The following PRKCA variants were observed in gnomAD, a reference collection of about 807,000 sequenced individuals.
The protein encoded by PRKCA is protein kinase C alpha, also known as protein kinase C alpha type.
PRKCA carries 27 observed loss-of-function variants against 87.0 expected under a neutral mutation model. The observed-to-expected ratio is 0.31, with a 90% CI of 0.23 to 0.43. The LOEUF is 0.43. Ranked by LOEUF, PRKCA falls within the 20% of genes least tolerant of loss-of-function variation. The pLI is 1.00. For synonymous variants in PRKCA, 329 were observed against 311.1 expected (o/e 1.06, Z -0.61); for missense variants, 518 against 852.3 (o/e 0.61, Z 4.88).
chr17:66,635,845 C>T (rs572247908), intron 3 of PRKCA, among the ~76,000 whole-genome samples: 2 of 152,054 alleles, frequency 1.3e-5, no homozygotes, highest in African/African-American at 4.8e-5. Context: ...GCAAATGTGC[C>T]GTGGTTATGT....
At chr17:66,582,359 A>C (rs1453979675) in intron 3 of PRKCA, among the ~76,000 whole-genome samples, 1 of 152,108 alleles carries the variant, frequency 6.6e-6, no homozygotes, top group East Asian at 1.9e-4. Flanking sequence ...CTGTGTCCCC[A>C]CCCAAATCTC....
chr17:66,693,736 C>T (rs968314656), intron 8 of PRKCA, among the ~76,000 whole-genome samples: 3 of 152,274 alleles, frequency 2.0e-5, no homozygotes, highest in East Asian at 1.9e-4. Context: ...ATATTTTAGG[C>T]TTTATGGGCC....
In PRKCA at chr17:66,804,122, C is replaced by G. The variant is rs555069111; in HGVS notation, c.*85C>G. 6.6e-7 allele frequency: 1 copy of G among 1,510,146 alleles called. No individual in the cohort carries two copies. Among genetic ancestry groups the G allele is most frequent in the Non-Finnish European group, 8.9e-7 (1 of 1,127,180 alleles). The allele number at this position is 1,510,146 out of a possible 1,614,324, so 93.5% of individuals were successfully genotyped here. On this transcript the variant is annotated 3_prime_UTR_variant, in exon 17 of 17. Transcript: ENST00000413366. The stretch of plus-strand genomic sequence containing the variant: ...AATCCTTAACCCTAAAATTTTAAGG[C>G]CACGGCCTTGTGTCTGATTCCATAT...
chr17:66,551,831 T>A (rs1038118415), intron 3 of PRKCA, among the ~76,000 whole-genome samples: 3 of 152,194 alleles, frequency 2.0e-5, no homozygotes, highest in African/African-American at 7.2e-5. Flanking sequence ...TTTCCTTTAA[T>A]GAAGTATAAT....
At chr17:66,490,598 C>T (rs968441380) in intron 2 of PRKCA, among the ~76,000 whole-genome samples, 1 of 151,446 alleles carries the variant, frequency 6.6e-6, no homozygotes, top group Non-Finnish European at 1.5e-5. Context: ...TTTTTTGAGA[C>T]GGAGTCTTGC....
intron 3 of PRKCA, among the ~76,000 whole-genome samples, chr17:66,573,411 G>T (rs927286935): frequency 1.3e-5 from 2 of 152,142 alleles, no homozygotes; most frequent in Non-Finnish European, 2.9e-5. Flanking sequence ...TGATCAGTTC[G>T]TTTTCTGCTG....
chr17:66,477,655 G>A (rs113251151), intron 2 of PRKCA, among the ~76,000 whole-genome samples: 3,180 of 152,274 alleles, frequency 0.021, 103 homozygotes, highest in African/African-American at 0.071. Flanking sequence ...AGCTGAGATT[G>A]CACCACTGCA....
At chr17:66,495,138 A>G (rs1399292808) in intron 2 of PRKCA, among the ~76,000 whole-genome samples, 1 of 151,390 alleles carries the variant, frequency 6.6e-6, no homozygotes, top group Non-Finnish European at 1.5e-5. Context: ...ATTACTTTCT[A>G]TAACAGTTAT....
rs527505552 is a variant in PRKCA at position 66,545,166 on chromosome 17, C to T, written c.288+48883C>T. On this transcript the variant is annotated intron_variant, in intron 3 of 16. Transcript: ENST00000413366. ...AATTTAGGCTGGGCGCAGTGAATCA[C>T]GCCTGTAATCCCAGCACTTTGGGAG... is the stretch of plus-strand genomic sequence containing the variant. Among the ~76,000 whole-genome samples, 19 of 152,268 alleles carry T rather than the reference C, an allele frequency of 1.2e-4. No homozygotes were observed. In the East Asian group the frequency reaches 1.5e-3, roughly 12 times the overall value.
Position 66,769,256 on chromosome 17 carries a change from G to C in PRKCA, c.1525-4731G>C, listed in dbSNP as rs543028284. Reference sequence around the variant, plus strand: ...GCCTGTGGTCCCAGCTACTTAGGAGGCTGGGTGGGAGGATTGCTTGAGCCC... The same window carrying C: ...GCCTGTGGTCCCAGCTACTTAGGAGCCTGGGTGGGAGGATTGCTTGAGCCC... On this transcript the variant is annotated intron_variant, in intron 13 of 16. Coordinates refer to ENST00000413366, the MANE Select transcript of PRKCA (RefSeq NM_002737.3). Among the ~76,000 whole-genome samples, 5 of 152,066 alleles carry C rather than the reference G, an allele frequency of 3.3e-5. No homozygotes were observed. In the East Asian group the frequency reaches 5.8e-4, roughly 18 times the overall value.
intron 14 of PRKCA, chr17:66,777,338 G>C: frequency 1.0e-6 from 1 of 985,286 alleles, no homozygotes; most frequent in South Asian, 4.7e-5. Flanking sequence ...AAGACATAAA[G>C]CTTTAGCCTG....
At chr17:66,735,959 C>T (rs372943841) in intron 10 of PRKCA, among the ~76,000 whole-genome samples, 3 of 142,018 alleles carry the variant, frequency 2.1e-5, no homozygotes, top group Admixed American at 1.4e-4. Flanking sequence ...CTCACTCTCT[C>T]GCCCAGGCTA....
chr17:66,644,969 G>A (rs1479214894), intron 4 of PRKCA, among the ~76,000 whole-genome samples: 6 of 149,858 alleles, frequency 4.0e-5, no homozygotes, highest in African/African-American at 1.2e-4. Context: ...TAGCCTGAGA[G>A]ACAAAAGGAG....
At chr17:66,673,864 C>A (rs888101894) in intron 5 of PRKCA, among the ~76,000 whole-genome samples, 8 of 152,224 alleles carry the variant, frequency 5.3e-5, no homozygotes, top group African/African-American at 1.9e-4. Context: ...ACATCCTGTG[C>A]TCTTTTGTCT....
intron 5 of PRKCA, among the ~76,000 whole-genome samples, chr17:66,677,680 C>T (rs1023705112): frequency 3.9e-5 from 6 of 152,212 alleles, no homozygotes; most frequent in African/African-American, 1.4e-4. Context: ...AATGTTCAAC[C>T]TTGAGCAGGT....
chr17:66,789,115 G>A, intron 16 of PRKCA, 136 bp downstream of exon 16: 1 of 1,110,634 alleles, frequency 9.0e-7, no homozygotes, highest in Non-Finnish European at 1.3e-6. Flanking sequence ...CCAGGTTTCA[G>A]CCTTGTCCTC....
chr17:66,794,036 G>A (rs1025731342), intron 16 of PRKCA, among the ~76,000 whole-genome samples: 2 of 152,298 alleles, frequency 1.3e-5, no homozygotes. Flanking sequence ...AGTTCTAGCC[G>A]TTGGCACCAA....
chr17:66,480,568 A>G (rs1221355744), intron 2 of PRKCA, among the ~76,000 whole-genome samples: 2 of 152,180 alleles, frequency 1.3e-5, no homozygotes, highest in Non-Finnish European at 2.9e-5. Flanking sequence ...AAAAATTGCC[A>G]CTGCATTATG....
chr17:66,663,749 A>G (rs998952345), intron 5 of PRKCA, among the ~76,000 whole-genome samples: 1 of 152,172 alleles, frequency 6.6e-6, no homozygotes, highest in African/African-American at 2.4e-5. Flanking sequence ...GCAGGACTGA[A>G]TAGTGACACC....
Sources: gnomAD v4.1 joint callset for allele counts (sites outside exome capture counted in the v4.1 genomes callset) on GRCh38, gnomAD v4.1.1 for gene constraint, MANE v1.5 for transcripts, NCBI Gene and HGNC (gene_info 2026-07-23, HGNC 2026-07-21) for gene names.